Variants in TADA1 observed in about 807,000 individuals in gnomAD.
The protein encoded by TADA1 is transcriptional adaptor 1.
TADA1 carries 23 observed loss-of-function variants against 39.3 expected under a neutral mutation model. That is an observed-to-expected ratio of 0.58 (90% confidence interval 0.42 to 0.83). TADA1 has a LOEUF of 0.83. TADA1 is among the 40% of genes least tolerant of loss of function. The pLI is 0.00. For synonymous variants in TADA1, 137 were observed against 151.8 expected (o/e 0.90, Z 0.72); for missense variants, 352 against 408.1 (o/e 0.86, Z 1.18).
chr1:166,862,764 C>T (rs183332456), intron 4 of TADA1: 5 of 262,170 alleles, frequency 1.9e-5, no homozygotes, highest in East Asian at 9.7e-5. Context: ...TAAATCTAAC[C>T]GTAAGTAGGT....
At chr1:166,870,256 C>A (rs945131236) in intron 1 of TADA1, among the ~76,000 whole-genome samples, 1 of 152,106 alleles carries the variant, frequency 6.6e-6, no homozygotes, top group Middle Eastern at 3.2e-3. Flanking sequence ...TTAGGGTGGG[C>A]CCTAATCCAG....
chr1:166,868,269 T>C (rs1246515983), intron 3 of TADA1, among the ~76,000 whole-genome samples: 2 of 152,098 alleles, frequency 1.3e-5, no homozygotes, highest in African/African-American at 4.8e-5. Context: ...AAGTGACAGG[T>C]TTCGTTTCCA....
At chr1:166,864,321 A>G (rs1658480660) in intron 3 of TADA1, among the ~76,000 whole-genome samples, 1 of 152,244 alleles carries the variant, frequency 6.6e-6, no homozygotes, top group Non-Finnish European at 1.5e-5. Flanking sequence ...ACACTTGCAC[A>G]ACAGAGGTTA....
chr1:166,869,367 T>C, intron 3 of TADA1, 78 bp downstream of exon 3: 1 of 1,198,046 alleles, frequency 8.3e-7, no homozygotes, highest in East Asian at 2.5e-5. Flanking sequence ...TTACAAACAC[T>C]AGCTGTGTCT....
intron 3 of TADA1, among the ~76,000 whole-genome samples, chr1:166,867,390 C>G (rs989344819): frequency 6.6e-6 from 1 of 152,074 alleles, no homozygotes; most frequent in Non-Finnish European, 1.5e-5. Context: ...TGGCTAAAGT[C>G]TACTTGTATA....
At chr1:166,865,692 A>C (rs1333410403) in intron 3 of TADA1, among the ~76,000 whole-genome samples, 1 of 151,852 alleles carries the variant, frequency 6.6e-6, no homozygotes, top group Middle Eastern at 3.4e-3. Context: ...GGTGGTGGGC[A>C]CCTGTAGTCC....
intron 1 of TADA1, among the ~76,000 whole-genome samples, chr1:166,875,656 G>A (rs968561326): frequency 3.3e-5 from 5 of 152,252 alleles, no homozygotes; most frequent in Admixed American, 6.5e-5. Flanking sequence ...TTTCACCAGA[G>A]GGTCCGTCTG....
At chr1:166,860,973 A>G (rs1049478297) in intron 5 of TADA1, among the ~76,000 whole-genome samples, 2 of 152,234 alleles carry the variant, frequency 1.3e-5, no homozygotes, top group Non-Finnish European at 2.9e-5. Flanking sequence ...CTTTTTAAAA[A>G]GAGACAAACT....
chr1:166,862,620 A>G (rs942762828), intron 4 of TADA1: 4 of 594,766 alleles, frequency 6.7e-6, no homozygotes, highest in African/African-American at 3.7e-5. Context: ...ATTAAGGGGA[A>G]TAATGGTAGT....
At chr1:166,875,998 G>GCCCGC (rs1256453551) in intron 1 of TADA1, among the ~76,000 whole-genome samples, 162 bp downstream of exon 1, 2 of 152,164 alleles carry the variant, frequency 1.3e-5, no homozygotes, top group African/African-American at 2.4e-5. Flanking sequence ...AGTTCAGGTG[G>GCCCGC]CCCGCCCCGC....
At chr1:166,873,237 C>T (rs1304952651) in intron 1 of TADA1, among the ~76,000 whole-genome samples, 2 of 152,182 alleles carry the variant, frequency 1.3e-5, no homozygotes, top group African/African-American at 4.8e-5. Flanking sequence ...CACCACTGCA[C>T]TCCAGCCTGG....
At chr1:166,861,308 A>G (rs958079319) in intron 5 of TADA1, among the ~76,000 whole-genome samples, 1 of 152,184 alleles carries the variant, frequency 6.6e-6, no homozygotes, top group South Asian at 2.1e-4. Flanking sequence ...TTATTGTACT[A>G]TTTAAATTGG....
At chr1:166,869,890 T>G (rs370676618) in intron 1 of TADA1, 36 bp from the exon 2 acceptor site, 59 of 1,560,220 alleles carry the variant, frequency 3.8e-5, no homozygotes, top group Non-Finnish European at 5.0e-5. Flanking sequence ...AACCACAGAT[T>G]TGGCTGCTTC....
intron 1 of TADA1, among the ~76,000 whole-genome samples, chr1:166,872,589 T>C (rs1448838727): frequency 1.3e-5 from 2 of 152,088 alleles, no homozygotes; most frequent in African/African-American, 4.8e-5. Context: ...GGAGAATCGC[T>C]TGAACCCAGG....
chr1:166,862,078 C>T, intron 5 of TADA1, 125 bp downstream of exon 5: 1 of 1,006,436 alleles, frequency 9.9e-7, no homozygotes, highest in Non-Finnish European at 1.5e-6. Flanking sequence ...AAAACAACTT[C>T]AACAATGACA....
intron 6 of TADA1, among the ~76,000 whole-genome samples, chr1:166,859,720 A>G (rs12562794): frequency 0.2 from 31,035 of 151,856 alleles, 3,713 homozygotes; most frequent in East Asian, 0.58. Context: ...ACAGACCACT[A>G]TCTTGAGCTA....
chr1:166,863,447 C>A (rs1432555056), intron 4 of TADA1, among the ~76,000 whole-genome samples: 1 of 152,138 alleles, frequency 6.6e-6, no homozygotes, highest in Non-Finnish European at 1.5e-5. Flanking sequence ...TCAAAAGGCT[C>A]AGGGCCCAGC....
At chr1:166,874,701 G>A (rs1658727263) in intron 1 of TADA1, among the ~76,000 whole-genome samples, 1 of 152,148 alleles carries the variant, frequency 6.6e-6, no homozygotes, top group Non-Finnish European at 1.5e-5. Context: ...GATCTCTTGA[G>A]CTCAGGAGAT....
At chr1:166,864,687 G>T (rs911525056) in intron 3 of TADA1, among the ~76,000 whole-genome samples, 4 of 152,194 alleles carry the variant, frequency 2.6e-5, no homozygotes, top group Admixed American at 2.6e-4. Flanking sequence ...GATAATGATG[G>T]TACAAACCAA....
Sources: gnomAD v4.1 joint callset for allele counts (sites outside exome capture counted in the v4.1 genomes callset) on GRCh38, gnomAD v4.1.1 for gene constraint, MANE v1.5 for transcripts, NCBI Gene and HGNC (gene_info 2026-07-23, HGNC 2026-07-21) for gene names.